The following MYO16 variants were observed in gnomAD, a reference collection of about 807,000 sequenced individuals.
The protein encoded by MYO16 is unconventional myosin-XVI.
Under a neutral mutation model 205.3 loss-of-function variants are expected in MYO16, and 94 were observed. That is an observed-to-expected ratio of 0.46 (90% CI 0.39 to 0.54). MYO16 has a LOEUF of 0.54. Ranked by LOEUF, MYO16 falls within the 20% of genes least tolerant of loss-of-function variation. MYO16 has a pLI of 0.00. For synonymous variants in MYO16, 988 were observed against 954.0 expected, an observed-to-expected ratio of 1.04 and a Z score of -0.66; for missense variants, 2,315 against 2,387.5, an observed-to-expected ratio of 0.97 and a Z score of 0.63.
At chr13:109,016,382 A>T (rs577206904) in intron 22 of MYO16, among the ~76,000 whole-genome samples, 31 of 152,298 alleles carry the variant, frequency 2.0e-4, no homozygotes, top group Non-Finnish European at 4.4e-4. Context: ...TTTACTTCCA[A>T]TTATGTGGTC....
chr13:109,029,866 C>T (rs186959042), intron 23 of MYO16, among the ~76,000 whole-genome samples: 282 of 152,230 alleles, frequency 1.9e-3, no homozygotes, highest in Non-Finnish European at 3.2e-3. Context: ...AATGTAATAC[C>T]TCATTTAGAG....
chr13:108,672,456 C>T (rs933909678), intron 2 of MYO16, among the ~76,000 whole-genome samples: 2 of 151,954 alleles, frequency 1.3e-5, no homozygotes, highest in Non-Finnish European at 2.9e-5. Context: ...TATACTTTTT[C>T]AAAGGACAAT....
At chr13:108,888,982 G>C (rs932581290) in intron 14 of MYO16, among the ~76,000 whole-genome samples, 6 of 152,082 alleles carry the variant, frequency 3.9e-5, no homozygotes, top group Admixed American at 6.5e-5. Flanking sequence ...TTGAAGCCGG[G>C]AGGCAGAGGT....
chr13:108,581,484 G>GT, the MYO16 span, among the ~76,000 whole-genome samples: 5 of 151,680 alleles, frequency 3.3e-5, no homozygotes, highest in African/African-American at 1.2e-4. Context: ...CCTTCTTCTT[G>GT]CCTTTTTTTT....
At chr13:109,063,678 C>T (rs1396889367) in intron 27 of MYO16, among the ~76,000 whole-genome samples, 3 of 152,084 alleles carry the variant, frequency 2.0e-5, no homozygotes, top group African/African-American at 7.2e-5. Context: ...AGCAGCCCAC[C>T]CCAACTAAAA....
At chr13:109,051,725 G>A (rs1299081740) in intron 24 of MYO16, among the ~76,000 whole-genome samples, 1 of 152,004 alleles carries the variant, frequency 6.6e-6, no homozygotes, top group Non-Finnish European at 1.5e-5. Context: ...ATATCATTTT[G>A]CTTTTACCTT....
chr13:109,023,036 T>A (rs1219204161), intron 23 of MYO16, among the ~76,000 whole-genome samples: 1 of 134,656 alleles, frequency 7.4e-6, no homozygotes, highest in Non-Finnish European at 1.5e-5. Context: ...TATTTATATA[T>A]TAATACACAC....
At chr13:108,606,024 T>C (rs1039941515) in intron 1 of MYO16, among the ~76,000 whole-genome samples, 1 of 152,186 alleles carries the variant, frequency 6.6e-6, no homozygotes, top group Non-Finnish European at 1.5e-5. Flanking sequence ...CAAAGGTCAC[T>C]CTTGCTATGC....
At chr13:108,730,700 A>T (rs1456829766) in intron 4 of MYO16, among the ~76,000 whole-genome samples, 9 of 152,220 alleles carry the variant, frequency 5.9e-5, no homozygotes. Flanking sequence ...AAATTTGATT[A>T]AAAAATGGCA....
chr13:108,664,074 A>G (rs1881619142), intron 1 of MYO16, among the ~76,000 whole-genome samples: 1 of 152,224 alleles, frequency 6.6e-6, no homozygotes, highest in South Asian at 2.1e-4. Flanking sequence ...TCATCGTTTC[A>G]GAACCACTGT....
At chr13:108,693,112 A>G (rs1044326651) in intron 2 of MYO16, among the ~76,000 whole-genome samples, 1 of 152,180 alleles carries the variant, frequency 6.6e-6, no homozygotes, top group African/African-American at 2.4e-5. Flanking sequence ...TTAACACTAG[A>G]TTTTCTATAC....
intron 21 of MYO16, among the ~76,000 whole-genome samples, chr13:108,997,915 T>TCATCAA (rs1885088183): frequency 6.6e-6 from 1 of 152,226 alleles, no homozygotes; most frequent in Admixed American, 6.5e-5. Flanking sequence ...TCATCAGACT[T>TCATCAA]GTCAAGAATT....
chr13:108,777,687 A>C (rs1235909289), intron 4 of MYO16, among the ~76,000 whole-genome samples: 1 of 152,176 alleles, frequency 6.6e-6, no homozygotes, highest in Admixed American at 6.5e-5. Flanking sequence ...CTCCTCCCTC[A>C]ACTGCCAGAG....
chr13:108,971,290 A>T (rs543168234), intron 20 of MYO16, among the ~76,000 whole-genome samples: 2 of 151,622 alleles, frequency 1.3e-5, no homozygotes, highest in Non-Finnish European at 2.9e-5. Flanking sequence ...GCCTTCAAAC[A>T]TCAAAACCTA....
intron 29 of MYO16, among the ~76,000 whole-genome samples, chr13:109,120,703 A>T (rs1255089222): frequency 6.6e-6 from 1 of 152,170 alleles, no homozygotes; most frequent in Non-Finnish European, 1.5e-5. Context: ...TTTTAATTAG[A>T]CATCCTTTTT....
At chr13:108,994,136 A>G (rs1349117355) in intron 21 of MYO16, among the ~76,000 whole-genome samples, 1 of 152,132 alleles carries the variant, frequency 6.6e-6, no homozygotes, top group Non-Finnish European at 1.5e-5. Flanking sequence ...CTTTTGCTAA[A>G]TATTTTTATG....
the MYO16 span, among the ~76,000 whole-genome samples, chr13:108,536,927 T>A: frequency 2.0e-4 from 30 of 152,254 alleles, no homozygotes; most frequent in South Asian, 8.3e-4. Context: ...TTGTTGAGAT[T>A]CCTGGAACTA....
intron 4 of MYO16, among the ~76,000 whole-genome samples, chr13:108,730,286 T>A (rs1223107666): frequency 6.6e-6 from 1 of 152,190 alleles, no homozygotes; most frequent in Non-Finnish European, 1.5e-5. Flanking sequence ...TGCTGCCCTA[T>A]GAAGAGGTGT....
intron 16 of MYO16, among the ~76,000 whole-genome samples, chr13:108,918,551 A>G (rs1293021529): frequency 6.6e-6 from 1 of 152,228 alleles, no homozygotes; most frequent in Admixed American, 6.5e-5. Context: ...CCAGTGGCCC[A>G]TCTCTCAGCA....
Sources: allele counts gnomAD v4.1 joint callset (sites outside exome capture counted in the v4.1 genomes callset), GRCh38; gene constraint gnomAD v4.1.1; transcripts MANE v1.5; gene names NCBI Gene and HGNC (gene_info 2026-07-23, HGNC 2026-07-21).